Variants in HPD observed in about 807,000 individuals in gnomAD.
HPD encodes 4-hydroxyphenylpyruvic acid oxidase.
A neutral mutation model predicts 56.9 loss-of-function variants in HPD; 35 were observed. The observed-to-expected ratio is 0.62, with a 90% confidence interval of 0.47 to 0.82. HPD has a LOEUF of 0.82. Ranked by LOEUF, HPD falls within the 40% of genes least tolerant of loss-of-function variation. The pLI, the probability that HPD is intolerant of heterozygous loss-of-function variation, is 0.00. For missense variants in HPD, 442 were observed against 506.8 expected (o/e 0.87, Z 1.23); for synonymous variants, 186 against 200.2 (o/e 0.93, Z 0.60).
At chr12:121,852,814 T>C (rs570863029) in intron 7 of HPD, among the ~76,000 whole-genome samples, 1 of 151,842 alleles carries the variant, frequency 6.6e-6, no homozygotes, top group East Asian at 1.9e-4. Flanking sequence ...TTTGTATTTT[T>C]TTTTAGTAGA....
At chr12:121,873,769 G>A in the HPD span, among the ~76,000 whole-genome samples, 1 of 150,790 alleles carries the variant, frequency 6.6e-6, no homozygotes, top group Non-Finnish European at 1.5e-5. Flanking sequence ...GCAGTGAGCC[G>A]AGATCGCGCC....
At chr12:121,853,948 G>T (rs1361230828) in intron 7 of HPD, among the ~76,000 whole-genome samples, 1 of 122,790 alleles carries the variant, frequency 8.1e-6, no homozygotes, top group Non-Finnish European at 1.7e-5. Flanking sequence ...AAAGAAAAAA[G>T]AATAAAAAAA....
At chr12:121,859,764 G>T (rs1878127466), upstream of HPD, among the ~76,000 whole-genome samples, 1 of 152,182 alleles carries the variant, frequency 6.6e-6, no homozygotes, top group African/African-American at 2.4e-5. Flanking sequence ...TATTTTCTGG[G>T]CCATTCAGGA....
chr12:121,870,581 G>C, the HPD span, among the ~76,000 whole-genome samples: 1 of 149,312 alleles, frequency 6.7e-6, no homozygotes, highest in African/African-American at 2.5e-5. Context: ...TGAGACAATA[G>C]GGAGCTATTG....
At chr12:121,879,504 T>TC in the HPD span, among the ~76,000 whole-genome samples, 23 of 149,538 alleles carry the variant, frequency 1.5e-4, no homozygotes, top group African/African-American at 3.9e-4. Flanking sequence ...TCTCTTCTCT[T>TC]TTTTCTTTTC....
intron 12 of HPD, among the ~76,000 whole-genome samples, chr12:121,843,183 G>T (rs1877464324): frequency 6.6e-6 from 1 of 152,182 alleles, no homozygotes. Flanking sequence ...CCCTCCAGTG[G>T]TTTCTGGTCA....
At chr12:121,845,040 C>T (rs925412577) in intron 11 of HPD, among the ~76,000 whole-genome samples, 3 of 149,424 alleles carry the variant, frequency 2.0e-5, no homozygotes, top group Non-Finnish European at 2.9e-5. Flanking sequence ...GCCAAAATCG[C>T]ACCACTGCAC....
At chr12:121,842,627 G>A (rs189595021) in intron 12 of HPD, among the ~76,000 whole-genome samples, 46 of 150,550 alleles carry the variant, frequency 3.1e-4, no homozygotes, top group African/African-American at 9.3e-4. Flanking sequence ...TGGGGGTTTC[G>A]CCATATTGAC....
the HPD span, among the ~76,000 whole-genome samples, chr12:121,878,787 C>T: frequency 5.3e-3 from 798 of 151,962 alleles, 11 homozygotes; most frequent in African/African-American, 0.018. Context: ...GATCCTCCCA[C>T]CTCAGCCTCC....
chr12:121,841,178 G>A (rs1341636088), intron 12 of HPD, among the ~76,000 whole-genome samples: 2 of 147,172 alleles, frequency 1.4e-5, no homozygotes, highest in East Asian at 3.9e-4. Context: ...TCCAGCCTGG[G>A]CAACAGAGCA....
chr12:121,859,434 A>G (rs897886227), upstream of HPD, among the ~76,000 whole-genome samples: 9 of 152,180 alleles, frequency 5.9e-5, no homozygotes, highest in Non-Finnish European at 8.8e-5. Context: ...CCTGGCACAC[A>G]GGACACTCTC....
the HPD span, among the ~76,000 whole-genome samples, chr12:121,877,489 T>C: frequency 1.3e-5 from 2 of 151,584 alleles, no homozygotes; most frequent in African/African-American, 4.9e-5. Context: ...CCCAGCACTT[T>C]GGGAGGCAGA....
chr12:121,869,519 T>C, the HPD span, among the ~76,000 whole-genome samples: 1 of 151,696 alleles, frequency 6.6e-6, no homozygotes. Context: ...ATAAATCCCT[T>C]ATCGAATATA....
chr12:121,866,145 A>G (rs1046791428), upstream of HPD, among the ~76,000 whole-genome samples: 1 of 151,658 alleles, frequency 6.6e-6, no homozygotes, highest in Non-Finnish European at 1.5e-5. Context: ...AAAATACAAA[A>G]ACAAAATTAG....
intron 7 of HPD, among the ~76,000 whole-genome samples, chr12:121,853,052 A>T (rs1426229879): frequency 6.6e-6 from 1 of 152,222 alleles, no homozygotes; most frequent in Non-Finnish European, 1.5e-5. Flanking sequence ...GGAAGCCGTT[A>T]TCCTCAGCAA....
At chr12:121,843,960 T>C (rs952412075) in intron 11 of HPD, 128 bp from the exon 12 acceptor site, 51 of 1,035,202 alleles carry the variant, frequency 4.9e-5, no homozygotes, top group Non-Finnish European at 7.2e-5. Flanking sequence ...GGATGCTGTG[T>C]GGCCTCTTCC....
chr12:121,851,706 T>A (rs1395984120), intron 7 of HPD, among the ~76,000 whole-genome samples: 90 of 2,808 alleles, frequency 0.032, 5 homozygotes, highest in African/African-American at 0.099. Flanking sequence ...TTTATTTTTT[T>A]TTTTTTTTTT....
chr12:121,842,629 C>G (rs1877443692), intron 12 of HPD, among the ~76,000 whole-genome samples: 1 of 151,618 alleles, frequency 6.6e-6, no homozygotes, highest in East Asian at 1.9e-4. Context: ...GGGGTTTCGC[C>G]ATATTGACCA....
At chr12:121,842,156 A>T (rs543627817) in intron 12 of HPD, among the ~76,000 whole-genome samples, 2 of 149,812 alleles carry the variant, frequency 1.3e-5, no homozygotes, top group East Asian at 4.0e-4. Context: ...TCTAAAATTG[A>T]TTTTTTGCCC....
Sources: gnomAD v4.1 joint callset for allele counts (sites outside exome capture counted in the v4.1 genomes callset) on GRCh38, gnomAD v4.1.1 for gene constraint, MANE v1.5 for transcripts, NCBI Gene and HGNC (gene_info 2026-07-23, HGNC 2026-07-21) for gene names.